FFAR2: variants seen among roughly 807,000 people sequenced by gnomAD.
The protein encoded by FFAR2 is G-protein coupled receptor 43.
For synonymous variants in FFAR2, 193 were observed against 189.9 expected (o/e 1.02, Z -0.13); for missense variants, 421 against 428.9 (o/e 0.98, Z 0.16).
rs775724725 is a variant in FFAR2 at position 35,449,679 on chromosome 19, C to T, written c.-1-35C>T. 2.0e-6 allele frequency: 3 copies of T among 1,523,004 alleles called. No individual in the cohort carries two copies. In the South Asian group the frequency reaches 4.0e-5, roughly 20 times the overall value. 94.3% of individuals were successfully genotyped at this position (1,523,004 alleles called of 1,614,324 possible). A position where few individuals can be genotyped will look rare whatever the true frequency, so the allele number is the denominator to read the frequency against. ...CTGGCTGCGCGGGCTGTGAGTGAGA[C>T]CTCCCTGACCCCGCCCTTTTTTGTT... On this transcript the variant is annotated intron_variant, in intron 1 of 1. Transcript: ENST00000599180.
chr19:35,449,965 T>C lies in FFAR2; in HGVS notation c.251T>C (p.Leu84Pro). 1 of 1,614,060 alleles carries C rather than the reference T, an allele frequency of 6.2e-7. No individual in the cohort carries two copies. The highest frequency in any genetic ancestry group is 8.5e-7 in the Non-Finnish European group (1 of 1,180,014). ...TACCTGCCCAAGGTCGTCTGCGCCC[T>C]CACGAGTTTTGGCTTCTACAGCAGC... ...RWYLPKVVCA[L>P]TSFGFYSSIY... The change falls in exon 2 of 2, where the codon CTC (leucine) becomes CCC (proline). Residue 84 changes from leucine to proline, a missense_variant. Transcript: ENST00000599180.
rs898732808 is a variant in FFAR2, at chr19:35,451,356, T to A, written c.*649T>A. The A allele has an allele frequency of 6.6e-6, 1 of 151,860 alleles. No homozygotes were observed. Among genetic ancestry groups the A allele is most frequent in the Non-Finnish European group, 1.5e-5 (1 of 68,038 alleles). The allele number at this position is 151,860 out of a possible 1,614,324, so 9.4% of individuals were successfully genotyped here. A position where few individuals can be genotyped will look rare whatever the true frequency, so the allele number is the denominator to read the frequency against. ...GCAGAGAGTCCTAGAGAAATCTCGA[T>A]ACAAGCTTCAAAGCAACACCTAGAC... is the stretch of plus-strand genomic sequence containing the variant. On this transcript the variant is annotated 3_prime_UTR_variant, in exon 2 of 2. Coordinates refer to ENST00000599180, the MANE Select transcript of FFAR2 (RefSeq NM_001370087.1).
rs369914056 is a variant in FFAR2, at chr19:35,449,824, G to T, written c.110G>T (p.Arg37Leu). 3.7e-6 allele frequency: 6 copies of T among 1,613,502 alleles called. No individual in the cohort carries two copies. In the South Asian group the frequency reaches 4.4e-5, roughly 12 times the overall value. The change falls in exon 2 of 2, where the codon CGC becomes CTC. Residue 37 changes from arginine to leucine, a missense_variant. Transcript: ENST00000599180. ...CTGCGGGCCTTTGTGGGGCGGATCC[G>T]CCAGCCCCAGCCTGCACCTGTGCAC... ...LALRAFVGRI[R>L]QPQPAPVHIL... is the part of the protein sequence containing the mutation.
At position 35,449,955 on chromosome 19, in the gene FFAR2, G is replaced by A. The variant is rs539042139; in HGVS notation, c.241G>A (p.Val81Ile). 6.4e-5 allele frequency: 104 copies of A among 1,613,894 alleles called. No individual in the cohort carries two copies. The East Asian group carries it at 1.2e-3, about 18-fold the overall frequency. The change falls in exon 2 of 2, where the codon GTC becomes ATC. Residue 81 changes from valine to isoleucine, a missense_variant. By Grantham distance (29) the Val-to-Ile change is conservative. Transcript: ENST00000599180. ...CTTCCGCTGGTACCTGCCCAAGGTC[G>A]TCTGCGCCCTCACGAGTTTTGGCTT... ...SNFRWYLPKV[V>I]CALTSFGFYS...
rs754832948 is a variant in FFAR2, at chr19:35,449,962, CCCTCACGAGT to C, written c.249_258del (p.Thr85AlafsTer40). On this transcript the variant is annotated frameshift_variant, in exon 2 of 2. Coordinates refer to ENST00000599180, the MANE Select transcript of FFAR2 (RefSeq NM_001370087.1). LOFTEE classifies it low-confidence loss of function (END_TRUNC). ...TGGTACCTGCCCAAGGTCGTCTGCG[CCCTCACGAGT>C]TTTGGCTTCTACAGCAGCATCTACT... is the stretch of plus-strand genomic sequence containing the variant. 2 of 1,614,050 alleles carry C rather than the reference CCCTCACGAGT, an allele frequency of 1.2e-6. No individual in the cohort carries two copies. The highest frequency in any genetic ancestry group is 3.3e-5 in the Admixed American group (2 of 60,014).
chr19:35,450,374 C>A lies in FFAR2; in HGVS notation c.660C>A (p.Ala220=). The A allele has an allele frequency of 1.2e-6, 2 of 1,614,214 alleles. No homozygotes were observed. The highest frequency in any genetic ancestry group is 1.7e-6 in the Non-Finnish European group (2 of 1,180,050). ...TGGGGGCCCAGAGGCGGCGCCGAGC[C>A]GTGGGGCTGGCTGTGGTGACGCTGC... ...PLVGAQRRRR[A]VGLAVVTLLN... The change falls in exon 2 of 2, where the codon GCC becomes GCA. Residue 220 remains alanine, a synonymous_variant. Coordinates refer to ENST00000599180, the MANE Select transcript of FFAR2 (RefSeq NM_001370087.1).
At chr19:35,449,292 G>A (rs545603637) in intron 1 of FFAR2, among the ~76,000 whole-genome samples, 1 of 152,298 alleles carries the variant, frequency 6.6e-6, no homozygotes, top group Non-Finnish European at 1.5e-5. Flanking sequence ...TCTTTATACT[G>A]ATAAGCATCT....
chr19:35,450,494 G>A lies in FFAR2; in HGVS notation c.780G>A (p.Val260=). 1 of 1,614,246 alleles carries A rather than the reference G, an allele frequency of 6.2e-7. No individual in the cohort carries two copies. Among genetic ancestry groups the A allele is most frequent in the Non-Finnish European group, 8.5e-7 (1 of 1,180,048 alleles). Residue 260 remains valine (V), a synonymous_variant, in exon 2 of 2, where the codon GTG becomes GTA. Coordinates refer to ENST00000599180, the MANE Select transcript of FFAR2 (RefSeq NM_001370087.1). ...KSPWWRSIAV[V]FSSLNASLDP... is the part of the protein sequence containing the mutation. ...CCTGGTGGCGGTCAATAGCCGTGGTGTTCAGTTCACTCAACGCCAGTCTGG... is the reference window on the plus strand; with the variant it reads ...CCTGGTGGCGGTCAATAGCCGTGGTATTCAGTTCACTCAACGCCAGTCTGG...
rs775732916 is a variant in FFAR2 at position 35,450,514 on chromosome 19, G to A, written c.800G>A (p.Ser267Asn). Residue 267 changes from serine (S) to asparagine (N), a missense_variant, in exon 2 of 2, where the codon AGT becomes AAT. By Grantham distance (46) the Ser-to-Asn change is conservative. Transcript: ENST00000599180. ...GTGGTGTTCAGTTCACTCAACGCCA[G>A]TCTGGACCCCCTGCTCTTCTATTTC... ...IAVVFSSLNA[S>N]LDPLLFYFSS... is the part of the protein sequence containing the mutation. The A allele has an allele frequency of 5.0e-6, 8 of 1,614,264 alleles. No individual in the cohort carries two copies. The highest frequency in any genetic ancestry group is 2.2e-5 in the South Asian group (2 of 91,092).
chr19:35,450,349 T>G lies in FFAR2; in HGVS notation c.635T>G (p.Val212Gly). The G allele has an allele frequency of 6.2e-7, 1 of 1,614,208 alleles. No homozygotes were observed. The highest frequency in any genetic ancestry group is 8.5e-7 in the Non-Finnish European group (1 of 1,180,032). Residue 212 changes from valine (V) to glycine (G), a missense_variant, in exon 2 of 2, where the codon GTG becomes GGG. Transcript: ENST00000599180. ...TGGATCATGCTCTCCCAGCCCCTTG[T>G]GGGGGCCCAGAGGCGGCGCCGAGCC... is the stretch of plus-strand genomic sequence containing the variant. The part of the protein sequence containing the change: ...FVWIMLSQPL[V>G]GAQRRRRAVG...
In FFAR2 at chr19:35,450,548, A is replaced by C. The variant is rs1175948959; in HGVS notation, c.834A>C (p.Ser278=). 1 of 1,614,042 alleles carries C rather than the reference A, an allele frequency of 6.2e-7. No homozygotes were observed. The highest frequency in any genetic ancestry group is 1.3e-5 in the African/African-American group (1 of 74,908). The stretch of plus-strand genomic sequence containing the variant: ...CCCTGCTCTTCTATTTCTCTTCTTC[A>C]GTGGTGCGCAGGGCATTTGGGAGAG... ...LDPLLFYFSS[S]VVRRAFGRGL... is the part of the protein sequence containing the mutation. The change falls in exon 2 of 2, where the codon TCA becomes TCC. Residue 278 remains serine (S), a synonymous_variant. Transcript: ENST00000599180.
In FFAR2 at chr19:35,450,052, T is replaced by C. The variant is rs1044871339; in HGVS notation, c.338T>C (p.Phe113Ser). The C allele has an allele frequency of 6.8e-6, 11 of 1,614,070 alleles. No homozygotes were observed. Among genetic ancestry groups the C allele is most frequent in the African/African-American group, 1.3e-5 (1 of 74,922 alleles). The change falls in exon 2 of 2, where the codon TTC becomes TCC. Residue 113 changes from phenylalanine (F) to serine (S), a missense_variant. Coordinates refer to ENST00000599180, the MANE Select transcript of FFAR2 (RefSeq NM_001370087.1). Reference sequence around the variant, plus strand: ...ATCGAGCGCTACCTGGGAGTGGCTTTCCCCGTGCAGTACAAGCTCTCCCGC... The same window carrying C: ...ATCGAGCGCTACCTGGGAGTGGCTTCCCCCGTGCAGTACAAGCTCTCCCGC... The part of the protein sequence containing the change: ...ISIERYLGVA[F>S]PVQYKLSRRP...
chr19:35,450,872 C>A lies in FFAR2; in HGVS notation c.*165C>A. On this transcript the variant is annotated 3_prime_UTR_variant, in exon 2 of 2. Transcript: ENST00000599180. ...TCACCAGCTTGGTATCCCTTCCTGA[C>A]TGAATTGTCCTACTCAAAGGAGCAT... 1 of 667,636 alleles carries A rather than the reference C, an allele frequency of 1.5e-6. No individual in the cohort carries two copies. 41.4% of individuals were successfully genotyped at this position (667,636 alleles called of 1,614,324 possible).
rs759442379 is a variant in FFAR2, at chr19:35,450,076, G to A, written c.362G>A (p.Arg121His). Reference sequence around the variant, plus strand: ...TTCCCCGTGCAGTACAAGCTCTCCCGCCGGCCTCTGTATGGAGTGATTGCA... The same window carrying A: ...TTCCCCGTGCAGTACAAGCTCTCCCACCGGCCTCTGTATGGAGTGATTGCA... Reference protein sequence around the residue: ...VAFPVQYKLSRRPLYGVIAAL... With the variant: ...VAFPVQYKLSHRPLYGVIAAL... Residue 121 changes from arginine to histidine, a missense_variant, in exon 2 of 2, where the codon CGC becomes CAC. By Grantham distance (29) the Arg-to-His change is conservative. Coordinates refer to ENST00000599180, the MANE Select transcript of FFAR2 (RefSeq NM_001370087.1). 42 of 1,614,084 alleles carry A rather than the reference G, an allele frequency of 2.6e-5. No homozygotes were observed. Among genetic ancestry groups the A allele is most frequent in the Admixed American group, 1.7e-4 (10 of 60,008 alleles).
chr19:35,450,476 G>T lies in FFAR2; in HGVS notation c.762G>T (p.Trp254Cys). The T allele has an allele frequency of 6.2e-7, 1 of 1,614,240 alleles. No homozygotes were observed. Among genetic ancestry groups the T allele is most frequent in the Non-Finnish European group, 8.5e-7 (1 of 1,180,044 alleles). Residue 254 changes from tryptophan (W) to cysteine (C), a missense_variant, in exon 2 of 2, where the codon TGG becomes TGT. Transcript: ENST00000599180. ...VGYHQRKSPW[W>C]RSIAVVFSSL... ...ATCACCAGAGAAAAAGCCCCTGGTGGCGGTCAATAGCCGTGGTGTTCAGTT... is the reference window on the plus strand; with the variant it reads ...ATCACCAGAGAAAAAGCCCCTGGTGTCGGTCAATAGCCGTGGTGTTCAGTT...
chr19:35,450,597 G>T lies in FFAR2; in HGVS notation c.883G>T (p.Gly295Cys), dbSNP rs766072844. ...GRGLQVLRNQGSSLLGRRGKD... is the reference protein window; with the variant it reads ...GRGLQVLRNQCSSLLGRRGKD... ...AGGGCTGCAGGTGCTGCGGAATCAGGGCTCCTCCCTGTTGGGACGCAGAGG... is the reference window on the plus strand; with the variant it reads ...AGGGCTGCAGGTGCTGCGGAATCAGTGCTCCTCCCTGTTGGGACGCAGAGG... The change falls in exon 2 of 2, where the codon GGC (glycine) becomes TGC (cysteine). Residue 295 changes from glycine (G) to cysteine (C), a missense_variant. By Grantham distance (159) the Gly-to-Cys change is radical (BLOSUM62 -3). Coordinates refer to ENST00000599180, the MANE Select transcript of FFAR2 (RefSeq NM_001370087.1). 2 of 1,614,216 alleles carry T rather than the reference G, an allele frequency of 1.2e-6. No individual in the cohort carries two copies. The highest frequency in any genetic ancestry group is 2.2e-5 in the South Asian group (2 of 91,082).
Position 35,450,134 on chromosome 19 carries a change from C to T in FFAR2, c.420C>T (p.His140=), listed in dbSNP as rs1486819406. ...TGGCCTGGGTTATGTCCTTTGGTCA[C>T]TGCACCATCGTGATCATCGTTCAAT... ...ALVAWVMSFG[H]CTIVIIVQYL... Residue 140 remains histidine, a synonymous_variant, in exon 2 of 2, where the codon CAC becomes CAT. Transcript: ENST00000599180. The T allele has an allele frequency of 6.2e-7, 1 of 1,614,216 alleles. No individual in the cohort carries two copies. Among genetic ancestry groups the T allele is most frequent in the East Asian group, 2.2e-5 (1 of 44,888 alleles).
Position 35,450,500 on chromosome 19 carries a change from T to C in FFAR2, c.786T>C (p.Ser262=). The C allele has an allele frequency of 6.2e-7, 1 of 1,614,240 alleles. No individual in the cohort carries two copies. The highest frequency in any genetic ancestry group is 2.2e-5 in the East Asian group (1 of 44,880). Reference sequence around the variant, plus strand: ...GGCGGTCAATAGCCGTGGTGTTCAGTTCACTCAACGCCAGTCTGGACCCCC... The same window carrying C: ...GGCGGTCAATAGCCGTGGTGTTCAGCTCACTCAACGCCAGTCTGGACCCCC... ...PWWRSIAVVF[S]SLNASLDPLL... Residue 262 remains serine (S), a synonymous_variant, in exon 2 of 2, where the codon AGT becomes AGC. Transcript: ENST00000599180.
Position 35,450,105 on chromosome 19 carries a change from C to G in FFAR2, c.391C>G (p.Leu131Val). The change falls in exon 2 of 2, where the codon CTG becomes GTG. Residue 131 changes from leucine (L) to valine (V), a missense_variant. By Grantham distance (32) the Leu-to-Val change is conservative. Transcript: ENST00000599180. ...GCCTCTGTATGGAGTGATTGCAGCT[C>G]TGGTGGCCTGGGTTATGTCCTTTGG... ...RRPLYGVIAA[L>V]VAWVMSFGHC... 1.2e-6 allele frequency: 2 copies of G among 1,614,206 alleles called. No individual in the cohort carries two copies. Among genetic ancestry groups the G allele is most frequent in the Non-Finnish European group, 1.7e-6 (2 of 1,180,038 alleles).
Sources: gnomAD v4.1 joint callset for allele counts (sites outside exome capture counted in the v4.1 genomes callset) on GRCh38, gnomAD v4.1.1 for gene constraint, MANE v1.5 for transcripts, NCBI Gene and HGNC (gene_info 2026-07-23, HGNC 2026-07-21) for gene names.